Variants in AK8 observed in about 807,000 individuals in gnomAD.
AK8 encodes adenylate kinase 8.
In AK8, 44 loss-of-function variants were observed where a neutral mutation model predicts 54.6. The ratio of observed to expected loss-of-function variants is 0.81; its 90% CI spans 0.63 to 1.04. The LOEUF (loss-of-function observed/expected upper bound fraction) is 1.04. Among genes scored for constraint, AK8 ranks in the 50% least tolerant of loss-of-function variants. AK8 has a pLI of 0.00. For missense variants in AK8, 555 were observed against 613.6 expected, an observed-to-expected ratio of 0.90 and a Z score of 1.01; for synonymous variants, 239 against 245.6, an observed-to-expected ratio of 0.97 and a Z score of 0.25.
intron 1 of AK8, among the ~76,000 whole-genome samples, chr9:132,875,632 T>C (rs955434456): frequency 6.6e-6 from 1 of 152,236 alleles, no homozygotes; most frequent in Admixed American, 6.5e-5. Flanking sequence ...AATGGGAACA[T>C]ACCTTCCTGA....
chr9:132,845,904 T>A (rs79406351), intron 5 of AK8, among the ~76,000 whole-genome samples: 38 of 152,026 alleles, frequency 2.5e-4, no homozygotes, highest in African/African-American at 8.2e-4. Flanking sequence ...AGAAATTTTT[T>A]AAAAATCACG....
At chr9:132,805,495 G>A (rs552353198) in intron 10 of AK8, among the ~76,000 whole-genome samples, 2 of 152,316 alleles carry the variant, frequency 1.3e-5, no homozygotes, top group Non-Finnish European at 2.9e-5. Context: ...ATCACTTACT[G>A]CCTCAGTTTC....
chr9:132,759,675 G>C (rs1838361056), intron 11 of AK8, among the ~76,000 whole-genome samples: 1 of 152,200 alleles, frequency 6.6e-6, no homozygotes, highest in Admixed American at 6.5e-5. Flanking sequence ...CAGTTGCGCA[G>C]CATCATTTAT....
rs1841087715 is a variant in AK8 at position 132,812,530 on chromosome 9, T to TGCCCACTGGGATGACGGGTGAGCCACCGC, written c.979+2107_979+2108insGCGGTGGCTCACCCGTCATCCCAGTGGGC. ...CTGGGATGACAGGGGTGAGCTACCG[T>TGCCCACTGGGATGACGGGTGAGCCACCGC]GCCCACTGGGATGACGGGTGAGCCG... On this transcript the variant is annotated intron_variant, in intron 10 of 12. Transcript: ENST00000298545. Among the ~76,000 whole-genome samples, 106 of 130,740 alleles carry TGCCCACTGGGATGACGGGTGAGCCACCGC rather than the reference T, an allele frequency of 8.1e-4. 4 individuals are homozygous for TGCCCACTGGGATGACGGGTGAGCCACCGC. Among genetic ancestry groups the TGCCCACTGGGATGACGGGTGAGCCACCGC allele is most frequent in the African/African-American group, 1.8e-3 (63 of 35,454 alleles). The allele number at this position is 130,740 out of a possible 152,430, so 85.8% of individuals were successfully genotyped here. A position where few individuals can be genotyped will look rare whatever the true frequency, so the allele number is the denominator to read the frequency against.
chr9:132,774,884 TG>T (rs1442640289), intron 11 of AK8, among the ~76,000 whole-genome samples: 1 of 152,174 alleles, frequency 6.6e-6, no homozygotes, highest in East Asian at 1.9e-4. Context: ...TGTTACCGGT[TG>T]AGTACAACCC....
At chr9:132,754,799 G>GTTTTT (rs202163458) in intron 11 of AK8, among the ~76,000 whole-genome samples, 1 of 144,002 alleles carries the variant, frequency 6.9e-6, no homozygotes. Context: ...TTTGTTTTTT[G>GTTTTT]GTTTTTTTTT....
chr9:132,804,104 CA>C (rs200556575), intron 10 of AK8, among the ~76,000 whole-genome samples: 4,919 of 92,812 alleles, frequency 0.053, 55 homozygotes, highest in African/African-American at 0.089. Context: ...GACTCCATCT[CA>C]AAAAAAAAAA....
intron 11 of AK8, among the ~76,000 whole-genome samples, chr9:132,789,629 AAG>A (rs1294059692): frequency 6.6e-6 from 1 of 151,246 alleles, no homozygotes; most frequent in Admixed American, 6.6e-5. Flanking sequence ...AAAAGAAAGA[AAG>A]AAAAGAAAAA....
intron 5 of AK8, among the ~76,000 whole-genome samples, chr9:132,829,817 A>C (rs1259006695): frequency 6.6e-6 from 1 of 152,100 alleles, no homozygotes; most frequent in African/African-American, 2.4e-5. Context: ...CAGCCTCCCT[A>C]GTGCTGGGAT....
At chr9:132,794,094 C>A (rs1024350720) in intron 10 of AK8, among the ~76,000 whole-genome samples, 4 of 152,188 alleles carry the variant, frequency 2.6e-5, no homozygotes, top group African/African-American at 9.7e-5. Context: ...AAAACCATAA[C>A]CCTAATTCTA....
chr9:132,730,517 G>C (rs1320668553), intron 11 of AK8, among the ~76,000 whole-genome samples: 3 of 150,508 alleles, frequency 2.0e-5, no homozygotes, highest in Non-Finnish European at 4.4e-5. Context: ...CCTAGGGTTG[G>C]GCGGGATCTT....
chr9:132,739,365 C>A (rs527419126), intron 11 of AK8, among the ~76,000 whole-genome samples: 64 of 133,566 alleles, frequency 4.8e-4, no homozygotes, highest in African/African-American at 1.7e-3. Flanking sequence ...TCGCTTGAAC[C>A]TGGGAAGCAG....
chr9:132,822,539 G>A (rs945678348), intron 9 of AK8, among the ~76,000 whole-genome samples: 3 of 151,902 alleles, frequency 2.0e-5, no homozygotes, highest in Non-Finnish European at 2.9e-5. Context: ...CATGGTGTGC[G>A]TAGGGGCAGT....
intron 10 of AK8, among the ~76,000 whole-genome samples, chr9:132,810,316 G>A (rs567384722): frequency 1.3e-5 from 2 of 151,158 alleles, no homozygotes; most frequent in South Asian, 2.2e-4. Context: ...TCCGGGTCTC[G>A]CTAACTTTAT....
chr9:132,777,275 CT>C (rs1839262945), intron 11 of AK8, among the ~76,000 whole-genome samples: 1 of 152,252 alleles, frequency 6.6e-6, no homozygotes, highest in African/African-American at 2.4e-5. Context: ...GGTGGAGCCC[CT>C]ATTGGTGCCA....
At chr9:132,874,081 C>T (rs1467655118) in intron 2 of AK8, among the ~76,000 whole-genome samples, 2 of 152,216 alleles carry the variant, frequency 1.3e-5, no homozygotes, top group African/African-American at 4.8e-5. Flanking sequence ...CAGTCAACAT[C>T]CGCTGAACAA....
intron 5 of AK8, among the ~76,000 whole-genome samples, chr9:132,831,439 TACAC>T (rs142360627): frequency 6.6e-6 from 1 of 151,740 alleles, no homozygotes; most frequent in Non-Finnish European, 1.5e-5. Context: ...AGTCTAGAGT[TACAC>T]ACACACACAC....
intron 11 of AK8, among the ~76,000 whole-genome samples, chr9:132,728,222 A>C (rs1836664144): frequency 6.6e-6 from 1 of 152,214 alleles, no homozygotes; most frequent in Admixed American, 6.5e-5. Flanking sequence ...GGAGGTCACC[A>C]GGGACAGATG....
At chr9:132,754,038 G>A (rs949768070) in intron 11 of AK8, among the ~76,000 whole-genome samples, 11 of 152,166 alleles carry the variant, frequency 7.2e-5, no homozygotes, top group African/African-American at 2.7e-4. Flanking sequence ...CACACTGTCT[G>A]TCTCTAAAGG....
Sources: gnomAD v4.1 joint callset for allele counts (sites outside exome capture counted in the v4.1 genomes callset) on GRCh38, gnomAD v4.1.1 for gene constraint, MANE v1.5 for transcripts, NCBI Gene and HGNC (gene_info 2026-07-23, HGNC 2026-07-21) for gene names.